Variants in RBFOX2 observed in about 807,000 individuals in gnomAD.
RBFOX2 encodes RNA binding fox-1 homolog 2.
In RBFOX2, 10 loss-of-function variants were observed where a neutral mutation model predicts 49.1. That is an observed-to-expected ratio of 0.20 (90% confidence interval 0.13 to 0.35). The LOEUF (loss-of-function observed/expected upper bound fraction) is 0.35. Ranked by LOEUF, RBFOX2 falls within the 10% of genes least tolerant of loss-of-function variation. RBFOX2 has a pLI of 1.00. For synonymous variants in RBFOX2, 183 were observed against 187.4 expected, an observed-to-expected ratio of 0.98 and a Z score of 0.19; for missense variants, 323 against 486.9, an observed-to-expected ratio of 0.66 and a Z score of 3.17.
In RBFOX2 at chr22:36,009,343, A is replaced by G. The variant is rs112148142; in HGVS notation, c.186+18897T>C. ...TTGCCTAAAGGACACACAGCTAAGTAAGATTAGAGACAGAATTTCTGGTAC... is the reference window on the plus strand; with the variant it reads ...TTGCCTAAAGGACACACAGCTAAGTGAGATTAGAGACAGAATTTCTGGTAC... On this transcript the variant is annotated intron_variant, in intron 1 of 13. Coordinates refer to the RBFOX2 transcript ENST00000438146. 2.4e-3 allele frequency among the ~76,000 whole-genome samples: 367 copies of G among 152,306 alleles called. 4 individuals carry two copies. Among genetic ancestry groups the G allele is most frequent in the African/African-American group, 7.5e-3 (313 of 41,582 alleles).
chr22:35,816,775 T>C (rs1953161713), intron 1 of RBFOX2, among the ~76,000 whole-genome samples: 1 of 152,146 alleles, frequency 6.6e-6, no homozygotes, highest in African/African-American at 2.4e-5. Flanking sequence ...GAAAAAAATG[T>C]CTAATTTCGG....
intron 1 of RBFOX2, among the ~76,000 whole-genome samples, chr22:36,024,772 A>G (rs989781312): frequency 6.6e-6 from 1 of 152,044 alleles, no homozygotes; most frequent in Non-Finnish European, 1.5e-5. Flanking sequence ...GTACTTTAAG[A>G]CAAACCCACA....
chr22:35,873,762 T>G (rs1468575198), intron 1 of RBFOX2, among the ~76,000 whole-genome samples: 5 of 152,154 alleles, frequency 3.3e-5, no homozygotes, highest in African/African-American at 4.8e-5. Flanking sequence ...CCGCAACTTC[T>G]GCCTCCCTGG....
intron 1 of RBFOX2, among the ~76,000 whole-genome samples, chr22:36,002,166 A>C (rs1376695889): frequency 6.6e-6 from 1 of 152,234 alleles, no homozygotes; most frequent in Non-Finnish European, 1.5e-5. Flanking sequence ...AAGTACGGTA[A>C]CATAATAGAA....
chr22:35,890,649 A>G (rs1212026248), intron 1 of RBFOX2, among the ~76,000 whole-genome samples: 1 of 152,166 alleles, frequency 6.6e-6, no homozygotes, highest in African/African-American at 2.4e-5. Flanking sequence ...TGGACAAACC[A>G]CAGTTCAAAT....
At chr22:35,983,591 T>C (rs928317216) in intron 1 of RBFOX2, among the ~76,000 whole-genome samples, 1 of 152,136 alleles carries the variant, frequency 6.6e-6, no homozygotes, top group Non-Finnish European at 1.5e-5. Flanking sequence ...ATTTTGCAAA[T>C]GGAGAATGAC....
chr22:35,935,066 C>G (rs2052898454), intron 1 of RBFOX2, among the ~76,000 whole-genome samples: 2 of 152,142 alleles, frequency 1.3e-5, no homozygotes, highest in Admixed American at 6.5e-5. Flanking sequence ...TCCCGAGTAG[C>G]TGGGACTACA....
chr22:35,781,377 G>A (rs1945107805), intron 3 of RBFOX2, among the ~76,000 whole-genome samples: 1 of 152,180 alleles, frequency 6.6e-6, no homozygotes, highest in South Asian at 2.1e-4. Context: ...ACAGCAAGCT[G>A]GGTCATATCG....
rs1386314986 is a variant in RBFOX2, at chr22:35,993,308, G to C, written c.186+34932C>G. ...CACTGGACTCTGACCATCATCAGAG[G>C]CAGTTATTAAAACACAGGTATGTTA... On this transcript the variant is annotated intron_variant, in intron 1 of 13. Transcript: ENST00000438146. The C allele has an allele frequency of 4.6e-5, 7 of 152,288 alleles. No homozygotes were observed. The East Asian group carries it at 1.2e-3, about 25-fold the overall frequency. The allele number at this position is 152,288 out of a possible 1,614,324, so 9.4% of individuals were successfully genotyped here. A position where few individuals can be genotyped will look rare whatever the true frequency, so the allele number is the denominator to read the frequency against.
chr22:35,873,289 G>A (rs1043318800), intron 1 of RBFOX2, among the ~76,000 whole-genome samples: 2 of 151,844 alleles, frequency 1.3e-5, no homozygotes, highest in African/African-American at 4.8e-5. Flanking sequence ...GTACCACCAC[G>A]CCCAGCTGAT....
At position 35,817,431 on chromosome 22, in the gene RBFOX2, C is replaced by T. The variant is rs368208338; in HGVS notation, c.28-7427G>A. The stretch of plus-strand genomic sequence containing the variant: ...GGCAGAGGTTGCAGTGAGCCAAGAT[C>T]GCGCCACTGCACTCCAGCCTGGACA... On this transcript the variant is annotated intron_variant, in intron 1 of 11. Transcript: ENST00000405409. Among the ~76,000 whole-genome samples, 37 of 151,988 alleles carry T rather than the reference C, an allele frequency of 2.4e-4. No individual in the cohort carries two copies. In the South Asian group the frequency reaches 6.9e-3, roughly 28 times the overall value.
intron 1 of RBFOX2, among the ~76,000 whole-genome samples, chr22:35,986,168 T>C (rs938203039): frequency 6.6e-6 from 1 of 152,100 alleles, no homozygotes; most frequent in African/African-American, 2.4e-5. Flanking sequence ...TCAGGTATGC[T>C]TAAATAGAGG....
At chr22:35,768,394 T>C (rs377420042) in intron 4 of RBFOX2, 45 bp from the exon 6 acceptor site, 120 of 1,486,422 alleles carry the variant, frequency 8.1e-5, no homozygotes, top group Middle Eastern at 1.7e-4. Flanking sequence ...CATCGTTATA[T>C]TGAAATACTG....
chr22:35,836,329 T>C (rs1019363539), intron 1 of RBFOX2: 1 of 152,362 alleles, frequency 6.6e-6, no homozygotes, highest in Non-Finnish European at 1.5e-5. Flanking sequence ...CCTGCTCTCT[T>C]ATCTGTCTTT....
At chr22:35,823,568 A>G (rs1954988659) in intron 1 of RBFOX2, among the ~76,000 whole-genome samples, 3 of 152,198 alleles carry the variant, frequency 2.0e-5, no homozygotes, top group Non-Finnish European at 2.9e-5. Flanking sequence ...TACCATCTTG[A>G]CCCAGAAGTA....
intron 1 of RBFOX2, among the ~76,000 whole-genome samples, chr22:35,920,205 T>C (rs1055768354): frequency 6.6e-6 from 1 of 152,234 alleles, no homozygotes; most frequent in Non-Finnish European, 1.5e-5. Flanking sequence ...ATGTATCTAA[T>C]TGCATGTGGT....
chr22:35,765,457 C>A, exon 6 of RBFOX2: 1 of 1,522,314 alleles, frequency 6.6e-7, no homozygotes, highest in South Asian at 1.2e-5. Context: ...TCTTATTGGT[C>A]ATTACACGTG....
upstream of RBFOX2, among the ~76,000 whole-genome samples, chr22:35,964,819 C>T (rs80260022): frequency 3.5e-3 from 537 of 152,316 alleles, 1 homozygote; most frequent in African/African-American, 0.011. Flanking sequence ...AACATACACC[C>T]TGTTGTAAAC....
At chr22:35,762,964 T>G (rs1344146847) in intron 6 of RBFOX2, among the ~76,000 whole-genome samples, 2 of 152,230 alleles carry the variant, frequency 1.3e-5, no homozygotes, top group Non-Finnish European at 2.9e-5. Flanking sequence ...ATATTCCACA[T>G]AAAATTCTGG....
Sources: gnomAD v4.1 joint callset for allele counts (sites outside exome capture counted in the v4.1 genomes callset) on GRCh38, gnomAD v4.1.1 for gene constraint, MANE v1.5 for transcripts, NCBI Gene and HGNC (gene_info 2026-07-23, HGNC 2026-07-21) for gene names.